Variants in STK3 observed in about 807,000 individuals in gnomAD.
STK3 encodes serine/threonine-protein kinase 3.
In STK3, 41 loss-of-function variants were observed where a neutral mutation model predicts 58.0. The observed-to-expected ratio is 0.71, with a 90% CI of 0.55 to 0.92. The LOEUF is 0.92. STK3 is among the 40% of genes least tolerant of loss of function. The probability of loss-of-function intolerance (pLI) is 0.00; values close to 1 mark genes in which losing one functional copy is unlikely to be tolerated. For missense variants in STK3, 479 were observed against 602.7 expected, an observed-to-expected ratio of 0.79 and a Z score of 2.15; for synonymous variants, 170 against 191.0, an observed-to-expected ratio of 0.89 and a Z score of 0.91.
chr8:98,830,064 TA>T (rs1290452788), upstream of STK3, among the ~76,000 whole-genome samples: 3 of 151,700 alleles, frequency 2.0e-5, no homozygotes, highest in Non-Finnish European at 2.9e-5. Context: ...CCGTCTCTAC[TA>T]AAAAAATACA....
intron 1 of STK3, among the ~76,000 whole-genome samples, chr8:98,439,924 C>T (rs1717453796): frequency 6.6e-6 from 1 of 152,156 alleles, no homozygotes; most frequent in Admixed American, 6.5e-5. Context: ...TGTCATCTGC[C>T]ATGCACTAGC....
At chr8:98,456,067 A>G (rs1051029426) in intron 10 of STK3, 67 bp from the exon 11 acceptor site, 2 of 1,435,852 alleles carry the variant, frequency 1.4e-6, no homozygotes, top group Non-Finnish European at 1.9e-6. Context: ...AATACAATGA[A>G]ATTAGACTTT....
chr8:98,871,205 C>A (rs1837365853), intron 3 of STK3, among the ~76,000 whole-genome samples: 1 of 152,126 alleles, frequency 6.6e-6, no homozygotes, highest in African/African-American at 2.4e-5. Context: ...TGGTCCATAT[C>A]TCTGTTTTGG....
chr8:98,822,300 TTTG>T (rs1834960306), intron 1 of STK3, among the ~76,000 whole-genome samples: 1 of 152,160 alleles, frequency 6.6e-6, no homozygotes, highest in Non-Finnish European at 1.5e-5. Context: ...TTCTTTTTGT[TTTG>T]TTTTTATTTT....
At chr8:98,501,179 C>T (rs1172821224) in intron 10 of STK3, among the ~76,000 whole-genome samples, 3 of 152,112 alleles carry the variant, frequency 2.0e-5, no homozygotes, top group Non-Finnish European at 2.9e-5. Flanking sequence ...AGTATTTTTT[C>T]ATGTGTCTGC....
chr8:98,418,020 C>T (rs779092718), intron 3 of STK3, among the ~76,000 whole-genome samples: 2 of 152,140 alleles, frequency 1.3e-5, no homozygotes, highest in Non-Finnish European at 2.9e-5. Flanking sequence ...AGCAATCCTC[C>T]TGCCTCAGGT....
chr8:98,596,245 C>A, intron 6 of STK3, 76 bp from the exon 7 acceptor site: 1 of 1,460,198 alleles, frequency 6.8e-7, no homozygotes, highest in Non-Finnish European at 9.2e-7. Context: ...CTTTATCTGT[C>A]TTTTTATCAG....
intron 6 of STK3, among the ~76,000 whole-genome samples, chr8:98,661,912 A>G (rs1056729536): frequency 3.9e-5 from 6 of 152,124 alleles, no homozygotes; most frequent in African/African-American, 9.7e-5. Flanking sequence ...ATGCTGAGTT[A>G]TATCATCTCA....
intron 4 of STK3, among the ~76,000 whole-genome samples, chr8:98,718,676 C>G (rs1263423423): frequency 6.6e-6 from 1 of 152,060 alleles, no homozygotes; most frequent in Admixed American, 6.5e-5. Context: ...TGATTACCCA[C>G]TAAATATTTA....
Position 98,932,758 on chromosome 8 carries a change from A to T in STK3, c.-79+9620T>A, listed in dbSNP as rs111684606. Among the ~76,000 whole-genome samples the T allele has an allele frequency of 8.2e-3, 1,255 of 152,292 alleles. 21 individuals carry two copies. Among genetic ancestry groups the T allele is most frequent in the African/African-American group, 0.029 (1,192 of 41,554 alleles). On this transcript the variant is annotated intron_variant, in intron 1 of 1. Coordinates refer to the STK3 transcript ENST00000519420. ...CTCCTGGTCCTCCAGCCATACTTCG[A>T]AAAGTTAGGCCCTGGGAGGACAGCT...
chr8:98,650,350 C>G (rs916438312), intron 6 of STK3, among the ~76,000 whole-genome samples: 1 of 152,152 alleles, frequency 6.6e-6, no homozygotes, highest in African/African-American at 2.4e-5. Flanking sequence ...AAGAATGGCC[C>G]GGAGGGCAGC....
chr8:98,916,544 C>T (rs556364359), intron 1 of STK3, among the ~76,000 whole-genome samples: 2 of 152,232 alleles, frequency 1.3e-5, no homozygotes, highest in Non-Finnish European at 2.9e-5. Context: ...ACAGTCTTCA[C>T]AACTGAGACT....
chr8:98,649,670 C>T (rs1820718477), intron 6 of STK3, among the ~76,000 whole-genome samples: 1 of 152,138 alleles, frequency 6.6e-6, no homozygotes, highest in Non-Finnish European at 1.5e-5. Context: ...CTATTCATTT[C>T]TCACTTTTTT....
At chr8:98,602,829 A>G (rs1271029325) in intron 6 of STK3, among the ~76,000 whole-genome samples, 1 of 152,048 alleles carries the variant, frequency 6.6e-6, no homozygotes, top group Non-Finnish European at 1.5e-5. Context: ...ACTGACTCAA[A>G]AGATCTGAGA....
intron 8 of STK3, among the ~76,000 whole-genome samples, chr8:98,574,884 C>T (rs1813269000): frequency 6.6e-6 from 1 of 152,096 alleles, no homozygotes; most frequent in Admixed American, 6.6e-5. Flanking sequence ...AAACTTCTAA[C>T]ATTTGCTTGG....
intron 1 of STK3, among the ~76,000 whole-genome samples, chr8:98,889,270 A>G (rs1202632961): frequency 6.6e-5 from 10 of 152,238 alleles, no homozygotes; most frequent in Non-Finnish European, 1.3e-4. Flanking sequence ...GATAAAATGC[A>G]TGGGCTTTTA....
intron 6 of STK3, among the ~76,000 whole-genome samples, chr8:98,641,990 G>A (rs1431675688): frequency 6.6e-6 from 1 of 152,206 alleles, no homozygotes; most frequent in African/African-American, 2.4e-5. Flanking sequence ...AATGGAAAAG[G>A]AGGGAAAATT....
intron 3 of STK3, among the ~76,000 whole-genome samples, chr8:98,841,718 A>G (rs1015588699): frequency 1.3e-5 from 2 of 151,226 alleles, no homozygotes; most frequent in East Asian, 3.8e-4. Context: ...AAATGTAAAA[A>G]ATAAAAATAA....
intron 1 of STK3, among the ~76,000 whole-genome samples, chr8:98,823,726 T>C (rs554170543): frequency 2.6e-5 from 4 of 152,196 alleles, no homozygotes; most frequent in Non-Finnish European, 5.9e-5. Flanking sequence ...TGAGACAGGG[T>C]CTCGCTCTGT....
Sources: allele counts gnomAD v4.1 joint callset (sites outside exome capture counted in the v4.1 genomes callset), GRCh38; gene constraint gnomAD v4.1.1; transcripts MANE v1.5; gene names NCBI Gene and HGNC (gene_info 2026-07-23, HGNC 2026-07-21).